The following CCDC102B variants were observed in gnomAD, a reference collection of about 807,000 sequenced individuals.
CCDC102B encodes coiled-coil domain-containing protein 102B.
In CCDC102B, 75 loss-of-function variants were observed where a neutral mutation model predicts 57.4. The ratio of observed to expected loss-of-function variants is 1.31; its 90% confidence interval spans 1.08 to 1.58. The LOEUF (loss-of-function observed/expected upper bound fraction) is 1.58, where lower values mean the gene tolerates loss of function less well. Among genes scored for constraint, CCDC102B ranks in the 40% most tolerant of loss-of-function variants. CCDC102B has a pLI of 0.00. For synonymous variants in CCDC102B, 206 were observed against 201.9 expected (o/e 1.02, Z -0.17); for missense variants, 636 against 582.6 (o/e 1.09, Z -0.94).
chr18:69,045,741 T>A (rs112568754), intron 7 of CCDC102B, among the ~76,000 whole-genome samples: 3,092 of 152,090 alleles, frequency 0.02, 102 homozygotes, highest in African/African-American at 0.069. Flanking sequence ...ATTTTTTCTG[T>A]TCCTCTCCCT....
chr18:68,755,071 CTT>C (rs956043732), intron 2 of CCDC102B: 135 of 152,314 alleles, frequency 8.9e-4, no homozygotes, highest in African/African-American at 3.0e-3. Flanking sequence ...AGATAAAACA[CTT>C]TTAAAGTTTT....
At chr18:69,006,989 C>T (rs1254091960) in intron 6 of CCDC102B, among the ~76,000 whole-genome samples, 4 of 152,170 alleles carry the variant, frequency 2.6e-5, no homozygotes, top group Admixed American at 6.5e-5. Context: ...TTATCTCTAA[C>T]ACGGGATTGT....
intron 1 of CCDC102B, among the ~76,000 whole-genome samples, chr18:68,817,743 G>A (rs1373291875): frequency 6.6e-6 from 1 of 152,042 alleles, no homozygotes; most frequent in South Asian, 2.1e-4. Context: ...TTGATTACTC[G>A]GTCATGAGAC....
At chr18:69,005,567 G>A (rs955558061) in intron 6 of CCDC102B, among the ~76,000 whole-genome samples, 4 of 151,980 alleles carry the variant, frequency 2.6e-5, no homozygotes, top group East Asian at 3.9e-4. Flanking sequence ...CTCTCATTAT[G>A]TCATTTTAAG....
In CCDC102B at chr18:68,942,010, AACTCGT is replaced by A. The variant is rs547739391; in HGVS notation, c.1263+44586_1263+44591del. On this transcript the variant is annotated intron_variant, in intron 6 of 7. Coordinates refer to ENST00000360242, the MANE Select transcript of CCDC102B (RefSeq NM_024781.3). ...GCCAAAGAAGATTATTGTGCTCGTCAACTCGTACTGAAAAAGCTCATTTAGTATTTG... is the reference window on the plus strand; with the variant it reads ...GCCAAAGAAGATTATTGTGCTCGTCAACTGAAAAAGCTCATTTAGTATTTG... Among the ~76,000 whole-genome samples the A allele has an allele frequency of 1.8e-4, 27 of 152,194 alleles. No individual in the cohort carries two copies. The East Asian group carries it at 2.1e-3, about 12-fold the overall frequency.
intron 2 of CCDC102B, among the ~76,000 whole-genome samples, chr18:68,745,826 A>G (rs1400321966): frequency 6.6e-6 from 1 of 152,108 alleles, no homozygotes; most frequent in Non-Finnish European, 1.5e-5. Context: ...GAGTGAGAAC[A>G]TGTGCTATTT....
chr18:69,040,327 TG>T (rs2052399466), intron 7 of CCDC102B, among the ~76,000 whole-genome samples: 1 of 151,954 alleles, frequency 6.6e-6, no homozygotes. Flanking sequence ...TTTTTATTTT[TG>T]AATCCTTGAG....
rs751247703 is a variant in CCDC102B, at chr18:68,836,945, C to T, written c.182C>T (p.Ser61Leu). 10 of 1,614,008 alleles carry T rather than the reference C, an allele frequency of 6.2e-6. No homozygotes were observed. Among genetic ancestry groups the T allele is most frequent in the African/African-American group, 1.3e-5 (1 of 74,902 alleles). ...SHAAHNFCAH[S>L]YNTNKWDICE... The stretch of plus-strand genomic sequence containing the variant: ...GCTGCTCACAATTTCTGTGCTCACT[C>T]ATATAACACCAACAAATGGGATATT... The change falls in exon 2 of 8, where the codon TCA becomes TTA. Residue 61 changes from serine to leucine, a missense_variant. Ser to Leu is a moderately radical substitution (Grantham distance 145). Coordinates refer to ENST00000360242, the MANE Select transcript of CCDC102B (RefSeq NM_024781.3).
chr18:68,948,567 A>G (rs1179020388), intron 6 of CCDC102B, among the ~76,000 whole-genome samples: 1 of 152,090 alleles, frequency 6.6e-6, no homozygotes, highest in African/African-American at 2.4e-5. Flanking sequence ...AAAGCCTCAA[A>G]TGGGTCCACA....
intron 4 of CCDC102B, among the ~76,000 whole-genome samples, chr18:68,863,865 T>C (rs1045964676): frequency 1.4e-4 from 22 of 151,996 alleles, no homozygotes; most frequent in African/African-American, 5.3e-4. Flanking sequence ...TTGTGTACAA[T>C]TGACGTATTA....
At chr18:68,817,220 C>A (rs764968918) in intron 1 of CCDC102B, among the ~76,000 whole-genome samples, 3 of 152,148 alleles carry the variant, frequency 2.0e-5, no homozygotes, top group African/African-American at 7.2e-5. Flanking sequence ...TACGTGTTAT[C>A]TGAAAGCATA....
chr18:68,979,275 A>G (rs1449680343), intron 6 of CCDC102B, among the ~76,000 whole-genome samples: 1 of 152,076 alleles, frequency 6.6e-6, no homozygotes, highest in African/African-American at 2.4e-5. Context: ...AAATAGGCAA[A>G]CAGGTTAGTA....
chr18:68,739,119 C>G (rs2033274713), intron 2 of CCDC102B, among the ~76,000 whole-genome samples: 1 of 151,888 alleles, frequency 6.6e-6, no homozygotes, highest in Non-Finnish European at 1.5e-5. Flanking sequence ...CTCAGCCTCC[C>G]AAATAGGTGG....
rs182224183 is a variant in CCDC102B at position 68,894,053 on chromosome 18, A to G, written c.1054-3166A>G. ...GCTTAAATATCAATCATTTCCTCAAACAACCTTCTCCTTTTACCTGATTTA... is the reference window on the plus strand; with the variant it reads ...GCTTAAATATCAATCATTTCCTCAAGCAACCTTCTCCTTTTACCTGATTTA... On this transcript the variant is annotated intron_variant, in intron 5 of 7. Transcript: ENST00000360242. Among the ~76,000 whole-genome samples, 18 of 152,124 alleles carry G rather than the reference A, an allele frequency of 1.2e-4. No individual in the cohort carries two copies. The South Asian group carries it at 1.9e-3, about 16-fold the overall frequency.
chr18:68,761,960 G>A (rs1028215576), intron 2 of CCDC102B, among the ~76,000 whole-genome samples: 1 of 151,714 alleles, frequency 6.6e-6, no homozygotes, highest in Admixed American at 6.6e-5. Context: ...AAATCTTGGC[G>A]CTAGTTTGTA....
intron 6 of CCDC102B, among the ~76,000 whole-genome samples, chr18:68,934,685 GT>G (rs963481524): frequency 6.6e-6 from 1 of 151,902 alleles, no homozygotes; most frequent in African/African-American, 2.4e-5. Context: ...GTAATTAGAA[GT>G]CACATGACAA....
At chr18:68,870,666 G>A (rs1599606413) in intron 4 of CCDC102B, among the ~76,000 whole-genome samples, 1 of 152,140 alleles carries the variant, frequency 6.6e-6, no homozygotes, top group South Asian at 2.1e-4. Flanking sequence ...ATTTCTCTAT[G>A]AAAGAAGTTG....
intron 6 of CCDC102B, 169 bp downstream of exon 6, chr18:68,897,597 G>A (rs2040290732): frequency 1.3e-6 from 2 of 1,568,352 alleles, no homozygotes; most frequent in East Asian, 4.6e-5. Context: ...TAACGTTCAT[G>A]CATCTGAAAC....
At chr18:68,758,947 A>T (rs1251424524) in intron 2 of CCDC102B, among the ~76,000 whole-genome samples, 1 of 151,810 alleles carries the variant, frequency 6.6e-6, no homozygotes, top group Non-Finnish European at 1.5e-5. Flanking sequence ...CTAAAAAAAA[A>T]AACCTCAAAT....
Sources: gnomAD v4.1 joint callset for allele counts (sites outside exome capture counted in the v4.1 genomes callset) on GRCh38, gnomAD v4.1.1 for gene constraint, MANE v1.5 for transcripts, NCBI Gene and HGNC (gene_info 2026-07-23, HGNC 2026-07-21) for gene names.